Variants in ALK observed in about 807,000 individuals in gnomAD.
ALK encodes ALK receptor tyrosine kinase.
ALK carries 74 observed loss-of-function variants against 163.1 expected under a neutral mutation model. That is an observed-to-expected ratio of 0.45 (90% CI 0.38 to 0.55). The LOEUF is 0.55. ALK is among the 20% of genes least tolerant of loss of function. The probability of loss-of-function intolerance (pLI) is 0.00; values close to 1 mark genes in which losing one functional copy is unlikely to be tolerated. For missense variants in ALK, 2,063 were observed against 2,105.3 expected (o/e 0.98, Z 0.39); for synonymous variants, 960 against 843.2 (o/e 1.14, Z -2.40).
At chr2:29,626,029 C>T (rs1271545261) in intron 3 of ALK, among the ~76,000 whole-genome samples, 1 of 152,204 alleles carries the variant, frequency 6.6e-6, no homozygotes, top group Non-Finnish European at 1.5e-5. Context: ...CAGGAAACAA[C>T]CCATGCAAAG....
chr2:29,546,467 TA>T (rs1364897492), intron 3 of ALK, among the ~76,000 whole-genome samples: 1 of 152,036 alleles, frequency 6.6e-6, no homozygotes, highest in Admixed American at 6.6e-5. Context: ...AAATGAAAAC[TA>T]AAGAATTGAT....
At chr2:29,195,099 T>G (rs901589667) in intron 28 of ALK, among the ~76,000 whole-genome samples, 2 of 152,208 alleles carry the variant, frequency 1.3e-5, no homozygotes, top group African/African-American at 2.4e-5. Flanking sequence ...ATTAAAACAT[T>G]CTTTAGTTCC....
intron 4 of ALK, among the ~76,000 whole-genome samples, chr2:29,404,142 A>G (rs1669522364): frequency 6.6e-6 from 1 of 152,004 alleles, no homozygotes. Flanking sequence ...CATCTCTACT[A>G]AAAATACAAA....
chr2:29,450,827 G>A (rs951872533), intron 4 of ALK, among the ~76,000 whole-genome samples: 2 of 152,078 alleles, frequency 1.3e-5, no homozygotes, highest in African/African-American at 2.4e-5. Context: ...TTTCTCAGGC[G>A]CCTTTCCTCA....
intron 3 of ALK, among the ~76,000 whole-genome samples, chr2:29,645,649 C>T (rs1165891305): frequency 6.6e-6 from 1 of 152,074 alleles, no homozygotes; most frequent in African/African-American, 2.4e-5. Context: ...CAGGCTTTTT[C>T]CGCCATCCTG....
chr2:29,840,802 A>G (rs1000482961), intron 1 of ALK, among the ~76,000 whole-genome samples: 1 of 152,346 alleles, frequency 6.6e-6, no homozygotes. Flanking sequence ...GCATTATCTT[A>G]TCTGACCTTC....
At chr2:29,904,100 T>C (rs770929033) in intron 1 of ALK, among the ~76,000 whole-genome samples, 1 of 152,210 alleles carries the variant, frequency 6.6e-6, no homozygotes, top group Admixed American at 6.5e-5. Flanking sequence ...TTCCACTGCT[T>C]CAACTCACAT....
intron 4 of ALK, among the ~76,000 whole-genome samples, chr2:29,404,236 G>A (rs543834110): frequency 1.3e-5 from 2 of 151,372 alleles, no homozygotes; most frequent in African/African-American, 2.4e-5. Flanking sequence ...CCCAGGAGGC[G>A]GAGGTTGCAG....
At chr2:29,904,447 T>A (rs1667487996) in intron 1 of ALK, among the ~76,000 whole-genome samples, 1 of 152,086 alleles carries the variant, frequency 6.6e-6, no homozygotes, top group South Asian at 2.1e-4. Flanking sequence ...TAGTTAGATC[T>A]CAGCAAAAAT....
At chr2:29,722,189 G>A (rs763618636) in intron 1 of ALK, among the ~76,000 whole-genome samples, 7 of 152,146 alleles carry the variant, frequency 4.6e-5, no homozygotes, top group Non-Finnish European at 2.9e-5. Flanking sequence ...AGGAGGAAAC[G>A]TCTCCTTTTC....
At chr2:29,851,006 G>C (rs544855012) in intron 1 of ALK, among the ~76,000 whole-genome samples, 1 of 152,278 alleles carries the variant, frequency 6.6e-6, no homozygotes, top group East Asian at 1.9e-4. Flanking sequence ...CCCCTGAAAG[G>C]AGTTGCGTAA....
At chr2:29,213,866 C>A (rs2148158921) in intron 24 of ALK, 118 bp downstream of exon 24, 1 of 859,344 alleles carries the variant, frequency 1.2e-6, no homozygotes. Flanking sequence ...ATCCAAATGG[C>A]TCTGGAGGGA....
At chr2:29,249,358 A>G (rs948073626) in intron 12 of ALK, among the ~76,000 whole-genome samples, 8 of 152,048 alleles carry the variant, frequency 5.3e-5, no homozygotes, top group Non-Finnish European at 1.2e-4. Context: ...TGCTTTTTGT[A>G]TACGGGGTGT....
At chr2:29,773,406 G>T (rs1356712520) in intron 1 of ALK, among the ~76,000 whole-genome samples, 1 of 152,132 alleles carries the variant, frequency 6.6e-6, no homozygotes, top group Non-Finnish European at 1.5e-5. Flanking sequence ...TCTAGGAAGT[G>T]ACCTCTCTCT....
At chr2:29,881,538 G>A (rs1036568247) in intron 1 of ALK, among the ~76,000 whole-genome samples, 7 of 152,140 alleles carry the variant, frequency 4.6e-5, no homozygotes, top group African/African-American at 1.4e-4. Flanking sequence ...CTTGTGGGGC[G>A]GGCCCTCCTG....
intron 1 of ALK, among the ~76,000 whole-genome samples, chr2:29,894,395 T>C (rs1314407690): frequency 6.6e-6 from 1 of 152,076 alleles, no homozygotes; most frequent in Non-Finnish European, 1.5e-5. Flanking sequence ...TCTAAGCCTC[T>C]GTGAAATGGG....
chr2:29,641,238 G>GA (rs1408996456), intron 3 of ALK, among the ~76,000 whole-genome samples: 2 of 151,800 alleles, frequency 1.3e-5, no homozygotes, highest in Admixed American at 6.6e-5. Flanking sequence ...GCTGCTGTGT[G>GA]AAAAAAAAGG....
chr2:29,442,016 GA>G (rs890556831), intron 4 of ALK, among the ~76,000 whole-genome samples: 5 of 152,124 alleles, frequency 3.3e-5, no homozygotes, highest in African/African-American at 1.2e-4. Flanking sequence ...TCCTTCTCTA[GA>G]GCTCGCTGGT....
At position 29,222,329 on chromosome 2, in the gene ALK, T is replaced by C. The variant is rs111982937; in HGVS notation, c.3515+15A>G. 9 of 1,613,678 alleles carry C rather than the reference T, an allele frequency of 5.6e-6. No homozygotes were observed. Among genetic ancestry groups the C allele is most frequent in the African/African-American group, 5.3e-5 (4 of 75,014 alleles). ...AGAGGGGAGTTGGGGTGAGGGTGTC[T>C]CTCTGTGGCTTTACCTGATGATCAG... On this transcript the variant is annotated intron_variant, in intron 22 of 28. Coordinates refer to ENST00000389048, the MANE Select transcript of ALK (RefSeq NM_004304.5).
Sources: allele counts gnomAD v4.1 joint callset (sites outside exome capture counted in the v4.1 genomes callset), GRCh38; gene constraint gnomAD v4.1.1; transcripts MANE v1.5; gene names NCBI Gene and HGNC (gene_info 2026-07-23, HGNC 2026-07-21).